SULF2: variants seen among roughly 807,000 people sequenced by gnomAD.
SULF2 encodes the protein sulfatase 2.
Under a neutral mutation model 107.7 loss-of-function variants are expected in SULF2, and 52 were observed. That is an observed-to-expected ratio of 0.48 (90% CI 0.39 to 0.61). The LOEUF (loss-of-function observed/expected upper bound fraction) is 0.61. Ranked by LOEUF, SULF2 falls within the 20% of genes least tolerant of loss-of-function variation. SULF2 has a pLI of 0.00. For synonymous variants in SULF2, 460 were observed against 464.3 expected, an observed-to-expected ratio of 0.99 and a Z score of 0.12; for missense variants, 993 against 1,177.3, an observed-to-expected ratio of 0.84 and a Z score of 2.29.
In SULF2 at chr20:47,757,169, C is replaced by T. The variant is rs1455686590; in HGVS notation, c.175+20G>A. ...CTGCTCCGAGGGGCCGAGGTGCCAC[C>T]CTGGGGCCCCGAGGCTTACCCAGCT... is the stretch of plus-strand genomic sequence containing the variant. On this transcript the variant is annotated intron_variant, in intron 2 of 20. Transcript: ENST00000688720. The T allele has an allele frequency of 4.5e-6, 7 of 1,540,066 alleles. No homozygotes were observed. The highest frequency in any genetic ancestry group is 1.4e-5 in the African/African-American group (1 of 73,012).
intron 2 of SULF2, among the ~76,000 whole-genome samples, chr20:47,748,576 G>A (rs2090097472): frequency 6.6e-6 from 1 of 152,212 alleles, no homozygotes; most frequent in Admixed American, 6.5e-5. Flanking sequence ...CCGCCTTCCA[G>A]CCCTGCTCTC....
chr20:47,691,427 C>T (rs1380872273), intron 4 of SULF2, among the ~76,000 whole-genome samples: 1 of 152,160 alleles, frequency 6.6e-6, no homozygotes, highest in East Asian at 1.9e-4. Context: ...CTGGATTTTG[C>T]CAGAATCCCC....
intron 3 of SULF2, among the ~76,000 whole-genome samples, chr20:47,708,860 A>G (rs2088831837): frequency 6.6e-6 from 1 of 152,038 alleles, no homozygotes; most frequent in East Asian, 1.9e-4. Flanking sequence ...AGCTTAATGC[A>G]AGCTGTTTCC....
intron 1 of SULF2, among the ~76,000 whole-genome samples, chr20:47,768,347 A>G (rs1412850590): frequency 6.6e-6 from 1 of 152,250 alleles, no homozygotes; most frequent in East Asian, 1.9e-4. Flanking sequence ...TTCCTCTTTA[A>G]CTAGTTTCTG....
intron 4 of SULF2, among the ~76,000 whole-genome samples, chr20:47,701,540 C>T (rs1413953385): frequency 6.6e-6 from 1 of 152,232 alleles, no homozygotes; most frequent in Non-Finnish European, 1.5e-5. Context: ...TCCGAACATG[C>T]ACACGCCCTG....
intron 11 of SULF2, among the ~76,000 whole-genome samples, chr20:47,671,783 C>T (rs1440398804): frequency 6.6e-6 from 1 of 152,090 alleles, no homozygotes; most frequent in Non-Finnish European, 1.5e-5. Context: ...GGCACAATCT[C>T]GGGTCACTGC....
chr20:47,660,368 G>A (rs533282978), intron 18 of SULF2, among the ~76,000 whole-genome samples: 30 of 152,198 alleles, frequency 2.0e-4, no homozygotes, highest in Non-Finnish European at 2.9e-4. Flanking sequence ...CTGACCAGAA[G>A]TATTAGTGCA....
At position 47,676,660 on chromosome 20, in the gene SULF2, C is replaced by A. The variant is rs919112547; in HGVS notation, c.1251-37G>T. 4 of 1,546,610 alleles carry A rather than the reference C, an allele frequency of 2.6e-6. No homozygotes were observed. The African/African-American group carries it at 5.5e-5, about 21-fold the overall frequency. The stretch of plus-strand genomic sequence containing the variant: ...AGAGCAGGAGCCGCGGGGCCGGCCT[C>A]TCAGCTCTGGAGGAGCCCCGGAGGC... On this transcript the variant is annotated intron_variant, in intron 9 of 20. Transcript: ENST00000688720.
chr20:47,662,840 A>T (rs1245307531), intron 17 of SULF2, among the ~76,000 whole-genome samples: 3 of 152,118 alleles, frequency 2.0e-5, no homozygotes, highest in African/African-American at 7.3e-5. Context: ...AAGAAGCCAT[A>T]TATATTACAC....
chr20:47,701,274 G>A (rs774936132), intron 4 of SULF2, among the ~76,000 whole-genome samples: 35 of 152,202 alleles, frequency 2.3e-4, no homozygotes, highest in East Asian at 1.9e-4. Flanking sequence ...AGGGTGGGGG[G>A]TCATGACTGG....
In SULF2 at chr20:47,678,988, C is replaced by G. The variant is rs1303456570; in HGVS notation, c.1065-184G>C. Among the ~76,000 whole-genome samples, 1 of 150,370 alleles carries G rather than the reference C, an allele frequency of 6.7e-6. No individual in the cohort carries two copies. The highest frequency in any genetic ancestry group is 2.5e-5 in the African/African-American group (1 of 40,804). On this transcript the variant is annotated intron_variant, in intron 7 of 20. Coordinates refer to ENST00000688720, the MANE Select transcript of SULF2 (RefSeq NM_001387048.1). The surrounding 1 kb of genome is among the most constrained non-coding windows in gnomAD (Gnocchi z 4.5). ...CTGCGGCCCAGATTCAGCTGAACCC[C>G]CACTCTGTGCTCGCCCCCCCTTAGT...
chr20:47,713,751 G>GAA (rs762177872), intron 3 of SULF2, among the ~76,000 whole-genome samples: 9 of 38,428 alleles, frequency 2.3e-4, no homozygotes, highest in African/African-American at 4.5e-4. Context: ...TTCTGTCTCT[G>GAA]AAAAAAAAAA....
rs34029135 is a variant in SULF2, at chr20:47,705,804, C to CTT, written c.416-3136_416-3135dup. 1.0e-3 allele frequency among the ~76,000 whole-genome samples: 137 copies of CTT among 137,512 alleles called. 1 individual carries two copies. Among genetic ancestry groups the CTT allele is most frequent in the East Asian group, 4.2e-3 (20 of 4,802 alleles). 90.2% of individuals were successfully genotyped at this position (137,512 alleles called of 152,430 possible). A position where few individuals can be genotyped will look rare whatever the true frequency, so the allele number is the denominator to read the frequency against. Reference sequence around the variant, plus strand: ...TCCAAGAAACCTTTTCTTTTCTTTTCTTTTTTTTTTTTTTGAGAGAGGGTC... The same window carrying CTT: ...TCCAAGAAACCTTTTCTTTTCTTTTCTTTTTTTTTTTTTTTTGAGAGAGGGTC... On this transcript the variant is annotated intron_variant, in intron 3 of 20. Coordinates refer to ENST00000688720, the MANE Select transcript of SULF2 (RefSeq NM_001387048.1).
chr20:47,674,053 C>G (rs1018741483), intron 10 of SULF2, among the ~76,000 whole-genome samples: 6 of 152,258 alleles, frequency 3.9e-5, no homozygotes, highest in Non-Finnish European at 5.9e-5. Context: ...CAGCCCACAG[C>G]CTGTTTTTGT....
At chr20:47,747,801 G>A (rs1387562255) in intron 2 of SULF2, among the ~76,000 whole-genome samples, 2 of 151,180 alleles carry the variant, frequency 1.3e-5, no homozygotes, top group African/African-American at 2.4e-5. Context: ...TCTGCCCAAC[G>A]GCTCAGCCAA....
chr20:47,665,828 A>T, intron 13 of SULF2, 29 bp downstream of exon 13: 1 of 1,599,770 alleles, frequency 6.3e-7, no homozygotes, highest in South Asian at 1.1e-5. Context: ...GGTGGCCGAG[A>T]GCATGCTCCT....
intron 10 of SULF2, among the ~76,000 whole-genome samples, chr20:47,673,541 G>A (rs1416513441): frequency 2.0e-5 from 3 of 152,062 alleles, no homozygotes; most frequent in Admixed American, 6.6e-5. Context: ...GCCGTTGAAG[G>A]CCCTGGTGCC....
chr20:47,720,271 T>TTTTG (rs1568856292), intron 3 of SULF2, among the ~76,000 whole-genome samples: 75 of 152,250 alleles, frequency 4.9e-4, no homozygotes, highest in African/African-American at 1.8e-3. Flanking sequence ...ATTTTATTTT[T>TTTTG]TTTGAGACAG....
intron 3 of SULF2, among the ~76,000 whole-genome samples, chr20:47,717,962 G>GC (rs917864706): frequency 1.8e-4 from 27 of 152,020 alleles, no homozygotes; most frequent in African/African-American, 6.3e-4. Context: ...TTACAGGCAT[G>GC]CGCCACCACC....
Sources: allele counts gnomAD v4.1 joint callset (sites outside exome capture counted in the v4.1 genomes callset), GRCh38; gene constraint gnomAD v4.1.1; non-coding constraint Gnocchi (gnomAD v3.1); transcripts MANE v1.5; gene names NCBI Gene and HGNC (gene_info 2026-07-23, HGNC 2026-07-21).